The following SPATA7 variants were observed in gnomAD, a reference collection of about 807,000 sequenced individuals.
SPATA7 encodes the protein spermatogenesis associated 7.
Under a neutral mutation model 51.8 loss-of-function variants are expected in SPATA7, and 43 were observed. The ratio of observed to expected loss-of-function variants is 0.83; its 90% CI spans 0.65 to 1.07. SPATA7 has a LOEUF of 1.07. Ranked by LOEUF, SPATA7 falls within the 50% of genes least tolerant of loss-of-function variation. SPATA7 has a pLI of 0.00. For synonymous variants in SPATA7, 230 were observed against 252.8 expected, an observed-to-expected ratio of 0.91 and a Z score of 0.86; for missense variants, 683 against 701.3, an observed-to-expected ratio of 0.97 and a Z score of 0.30.
intron 4 of SPATA7, among the ~76,000 whole-genome samples, chr14:88,413,449 A>G (rs966632567): frequency 6.6e-6 from 1 of 152,188 alleles, no homozygotes; most frequent in African/African-American, 2.4e-5. Context: ...GCCTTTTGGC[A>G]GCATCTTTAG....
At chr14:88,427,527 G>A in intron 6 of SPATA7, 103 bp from the exon 7 acceptor site, 1 of 720,734 alleles carries the variant, frequency 1.4e-6, no homozygotes, top group Non-Finnish European at 2.4e-6. Context: ...AAGAATAGAT[G>A]GGTCTCATTC....
chr14:88,420,571 A>G (rs1243069487), intron 5 of SPATA7, among the ~76,000 whole-genome samples: 2 of 151,992 alleles, frequency 1.3e-5, no homozygotes, highest in South Asian at 2.1e-4. Context: ...GTGTGGTTTC[A>G]TTTTTTGAAC....
intron 3 of SPATA7, among the ~76,000 whole-genome samples, chr14:88,447,810 G>T (rs1388078025): frequency 6.6e-6 from 1 of 151,928 alleles, no homozygotes; most frequent in East Asian, 1.9e-4. Flanking sequence ...TCGAATATTG[G>T]CCCCCACTCT....
chr14:88,421,036 C>T (rs1427694585), intron 5 of SPATA7, among the ~76,000 whole-genome samples: 2 of 151,914 alleles, frequency 1.3e-5, no homozygotes, highest in Non-Finnish European at 2.9e-5. Context: ...GGAATCGAAC[C>T]CAGGAGGTGG....
At chr14:88,440,994 T>G (rs1019123204), downstream of SPATA7, among the ~76,000 whole-genome samples, 1 of 152,084 alleles carries the variant, frequency 6.6e-6, no homozygotes, top group Non-Finnish European at 1.5e-5. Flanking sequence ...CCCTTTCCCC[T>G]CAGCCCCCAA....
chr14:88,462,018 T>C (rs1028542878), intron 4 of SPATA7, among the ~76,000 whole-genome samples: 2 of 152,250 alleles, frequency 1.3e-5, no homozygotes, highest in African/African-American at 4.8e-5. Context: ...TGAACCAGTG[T>C]TGCACTGGTA....
At chr14:88,444,696 T>C (rs1385535370) in intron 3 of SPATA7, among the ~76,000 whole-genome samples, 1 of 152,236 alleles carries the variant, frequency 6.6e-6, no homozygotes, top group Non-Finnish European at 1.5e-5. Context: ...TTCAGCTTTC[T>C]ACATATGGCT....
rs532898520 is a variant in SPATA7, at chr14:88,398,300, T to TA, written c.238+2103dup. Among the ~76,000 whole-genome samples, 14 of 151,734 alleles carry TA rather than the reference T, an allele frequency of 9.2e-5. No homozygotes were observed. The East Asian group carries it at 2.3e-3, about 25-fold the overall frequency. ...TACACCATGGAATACTATGCAGCCA[T>TA]AAAAAATGATGAGTTCATGTCCTTT... is the stretch of plus-strand genomic sequence containing the variant. On this transcript the variant is annotated intron_variant, in intron 4 of 11. Transcript: ENST00000393545.
At chr14:88,451,288 G>A (rs563367237) in intron 3 of SPATA7, among the ~76,000 whole-genome samples, 77 of 151,938 alleles carry the variant, frequency 5.1e-4, no homozygotes, top group Non-Finnish European at 7.4e-5. Flanking sequence ...TCCTATCTCA[G>A]CCTCCCGAGT....
intron 3 of SPATA7, among the ~76,000 whole-genome samples, chr14:88,449,694 AC>A (rs1425645797): frequency 6.6e-6 from 1 of 152,046 alleles, no homozygotes; most frequent in African/African-American, 2.4e-5. Context: ...CCCCACTATT[AC>A]TGTATTAACA....
chr14:88,447,980 G>A (rs1042093874), intron 3 of SPATA7, among the ~76,000 whole-genome samples: 9,371 of 151,424 alleles, frequency 0.062, 386 homozygotes, highest in African/African-American at 0.12. Flanking sequence ...TGCTCTTCTC[G>A]AGGAGTATCT....
intron 7 of SPATA7, 137 bp downstream of exon 7, chr14:88,427,833 C>T (rs1162275246): frequency 7.2e-6 from 5 of 690,450 alleles, no homozygotes; most frequent in African/African-American, 5.4e-5. Context: ...AGCCAGTATA[C>T]AGAAGGTCTG....
chr14:88,400,790 A>C (rs1371509678), intron 4 of SPATA7, among the ~76,000 whole-genome samples: 1 of 152,142 alleles, frequency 6.6e-6, no homozygotes, highest in African/African-American at 2.4e-5. Flanking sequence ...AGCTGAGATC[A>C]TGCCCCTGCA....
intron 4 of SPATA7, among the ~76,000 whole-genome samples, chr14:88,464,351 A>G (rs1355268129): frequency 6.6e-6 from 1 of 152,198 alleles, no homozygotes; most frequent in Non-Finnish European, 1.5e-5. Flanking sequence ...TTTAAACTGG[A>G]AAGGGATAGT....
At chr14:88,453,812 A>G (rs1012770442) in intron 3 of SPATA7, among the ~76,000 whole-genome samples, 2 of 152,224 alleles carry the variant, frequency 1.3e-5, no homozygotes, top group Non-Finnish European at 2.9e-5. Context: ...CCCAGTAGCC[A>G]GATGGAACCA....
intron 5 of SPATA7, 143 bp downstream of exon 5, chr14:88,416,987 C>A: frequency 1.5e-6 from 1 of 679,920 alleles, no homozygotes. Flanking sequence ...AAAGGCTGTT[C>A]AGGCCTCTGT....
At chr14:88,445,852 G>A (rs1187199727) in intron 3 of SPATA7, among the ~76,000 whole-genome samples, 5 of 152,062 alleles carry the variant, frequency 3.3e-5, no homozygotes, top group Non-Finnish European at 7.4e-5. Flanking sequence ...GATCATGGTG[G>A]ATAAGCTTTT....
chr14:88,437,623 A>G, intron 11 of SPATA7, 26 bp downstream of exon 11: 1 of 1,543,782 alleles, frequency 6.5e-7, no homozygotes, highest in South Asian at 1.1e-5. Flanking sequence ...TAACTTCATT[A>G]GAAAAATTAT....
intron 4 of SPATA7, among the ~76,000 whole-genome samples, chr14:88,464,174 G>A (rs1261563637): frequency 6.6e-6 from 1 of 152,016 alleles, no homozygotes; most frequent in Non-Finnish European, 1.5e-5. Context: ...TTAGATAGTA[G>A]GGTAAATGGA....
Sources: gnomAD v4.1 joint callset for allele counts (sites outside exome capture counted in the v4.1 genomes callset) on GRCh38, gnomAD v4.1.1 for gene constraint, MANE v1.5 for transcripts, NCBI Gene and HGNC (gene_info 2026-07-23, HGNC 2026-07-21) for gene names.